Variants in CSGALNACT1 observed in about 807,000 individuals in gnomAD.
CSGALNACT1 encodes chondroitin sulfate N-acetylgalactosaminyltransferase 1.
CSGALNACT1 carries 52 observed loss-of-function variants against 51.0 expected under a neutral mutation model. The observed-to-expected ratio is 1.02, with a 90% CI of 0.82 to 1.29. The LOEUF is 1.29. Ranked by LOEUF, CSGALNACT1 falls within the 50% of genes most tolerant of loss-of-function variation. The pLI, the probability that CSGALNACT1 is intolerant of heterozygous loss-of-function variation, is 0.00. For missense variants in CSGALNACT1, 935 were observed against 679.2 expected, an observed-to-expected ratio of 1.38 and a Z score of -4.19; for synonymous variants, 341 against 254.4, an observed-to-expected ratio of 1.34 and a Z score of -3.24.
chr8:19,473,150 G>A (rs529541812), intron 4 of CSGALNACT1, among the ~76,000 whole-genome samples: 2 of 152,138 alleles, frequency 1.3e-5, no homozygotes, highest in Admixed American at 1.3e-4. Context: ...TGGACCCAGA[G>A]ATGTAAAGAT....
At chr8:19,741,433 C>T (rs1293375883) in intron 1 of CSGALNACT1, among the ~76,000 whole-genome samples, 1 of 151,950 alleles carries the variant, frequency 6.6e-6, no homozygotes, top group East Asian at 1.9e-4. Context: ...CGTGGTGGCA[C>T]ACACCTGTAA....
chr8:19,689,926 TA>T (rs2061196279), intron 1 of CSGALNACT1, among the ~76,000 whole-genome samples: 1 of 152,192 alleles, frequency 6.6e-6, no homozygotes, highest in Non-Finnish European at 1.5e-5. Flanking sequence ...AGCCACCTTT[TA>T]AAAACCAACC....
chr8:19,754,330 C>A (rs1051404781), intron 1 of CSGALNACT1, among the ~76,000 whole-genome samples: 7 of 152,074 alleles, frequency 4.6e-5, no homozygotes, highest in Non-Finnish European at 8.8e-5. Context: ...TTAAAAAGGA[C>A]AGATAACCAG....
At chr8:19,701,182 G>A (rs1377400953) in intron 1 of CSGALNACT1, among the ~76,000 whole-genome samples, 1 of 43,528 alleles carries the variant, frequency 2.3e-5, no homozygotes, top group Non-Finnish European at 5.2e-5. Context: ...TTGATACAGA[G>A]TCTCACTCTG....
chr8:19,656,174 G>C (rs957535600), intron 1 of CSGALNACT1, among the ~76,000 whole-genome samples: 22 of 152,158 alleles, frequency 1.4e-4, no homozygotes, highest in Non-Finnish European at 2.6e-4. Context: ...TCTGAAGATA[G>C]GATTGCCTTT....
chr8:19,520,964 G>A (rs535557592), intron 3 of CSGALNACT1, among the ~76,000 whole-genome samples: 6 of 152,290 alleles, frequency 3.9e-5, no homozygotes, highest in South Asian at 2.1e-4. Context: ...AGGTGCTTTC[G>A]CAGATGTGTG....
chr8:19,447,790 G>A (rs1453321671), intron 5 of CSGALNACT1, among the ~76,000 whole-genome samples: 1 of 152,188 alleles, frequency 6.6e-6, no homozygotes, highest in Non-Finnish European at 1.5e-5. Context: ...ACACCCCTAG[G>A]GTGGGTCCTG....
chr8:19,421,359 G>C (rs1453471665), intron 6 of CSGALNACT1, among the ~76,000 whole-genome samples: 1 of 152,222 alleles, frequency 6.6e-6, no homozygotes, highest in African/African-American at 2.4e-5. Flanking sequence ...AGGGACAGCA[G>C]AACCTTCTGA....
upstream of CSGALNACT1, among the ~76,000 whole-genome samples, chr8:19,605,980 A>G (rs79178728): frequency 7.7e-3 from 1,179 of 152,304 alleles, 17 homozygotes; most frequent in African/African-American, 0.027. Context: ...CAAAAACACA[A>G]TGGACCCAAT....
chr8:19,636,685 A>G (rs566475988), intron 1 of CSGALNACT1, among the ~76,000 whole-genome samples: 8 of 152,124 alleles, frequency 5.3e-5, no homozygotes, highest in Non-Finnish European at 8.8e-5. Context: ...GCTGTCCCCA[A>G]ATGGAGTGAG....
At chr8:19,412,203 C>T (rs1284442509) in intron 8 of CSGALNACT1, among the ~76,000 whole-genome samples, 2 of 152,166 alleles carry the variant, frequency 1.3e-5, no homozygotes, top group Non-Finnish European at 1.5e-5. Context: ...GCACCCACTT[C>T]CTCCCCACCT....
chr8:19,497,254 G>A (rs988731484), intron 4 of CSGALNACT1, among the ~76,000 whole-genome samples: 1 of 152,202 alleles, frequency 6.6e-6, no homozygotes, highest in Non-Finnish European at 1.5e-5. Context: ...TGCTGGGAGT[G>A]AGAGAGGAGA....
chr8:19,441,664 G>A (rs1307149893), intron 5 of CSGALNACT1, among the ~76,000 whole-genome samples: 1 of 152,164 alleles, frequency 6.6e-6, no homozygotes. Flanking sequence ...CATGGGCAAG[G>A]ACTTCATGTC....
At chr8:19,677,103 G>A (rs1036569047) in intron 1 of CSGALNACT1, among the ~76,000 whole-genome samples, 1 of 135,488 alleles carries the variant, frequency 7.4e-6, no homozygotes. Flanking sequence ...AGGTGGCTTT[G>A]AGAATGCTTT....
At chr8:19,750,442 GGAGAGGTT>G in intron 1 of CSGALNACT1, among the ~76,000 whole-genome samples, 1 of 152,184 alleles carries the variant, frequency 6.6e-6, no homozygotes, top group Non-Finnish European at 1.5e-5. Context: ...GGAAGGGAAG[GGAGAGGTT>G]GAGAGGAGAC....
intron 3 of CSGALNACT1, among the ~76,000 whole-genome samples, chr8:19,514,693 C>A (rs1183627489): frequency 6.7e-6 from 1 of 148,386 alleles, no homozygotes; most frequent in African/African-American, 2.5e-5. Context: ...ATTAGCCTGG[C>A]ATGGTGGCTC....
chr8:19,513,891 C>A (rs532728944), intron 3 of CSGALNACT1, among the ~76,000 whole-genome samples: 3 of 152,166 alleles, frequency 2.0e-5, no homozygotes, highest in African/African-American at 7.2e-5. Context: ...GGTCCACTGA[C>A]AAAATGTTAC....
chr8:19,673,755 C>T (rs545957281), intron 1 of CSGALNACT1, among the ~76,000 whole-genome samples: 10 of 152,280 alleles, frequency 6.6e-5, no homozygotes, highest in South Asian at 2.1e-4. Flanking sequence ...ATTTCTGCAG[C>T]GTTCTTTTGA....
intron 4 of CSGALNACT1, among the ~76,000 whole-genome samples, chr8:19,490,660 C>G (rs924681538): frequency 6.6e-6 from 1 of 152,148 alleles, no homozygotes; most frequent in African/African-American, 2.4e-5. Flanking sequence ...CCTGTAGTCT[C>G]CATCACAATG....
Sources: gnomAD v4.1 joint callset for allele counts (sites outside exome capture counted in the v4.1 genomes callset) on GRCh38, gnomAD v4.1.1 for gene constraint, MANE v1.5 for transcripts, NCBI Gene and HGNC (gene_info 2026-07-23, HGNC 2026-07-21) for gene names.